LCP2: variants seen among roughly 807,000 people sequenced by gnomAD.
LCP2 encodes the protein 76 kDa tyrosine phosphoprotein.
In LCP2, 29 loss-of-function variants were observed where a neutral mutation model predicts 74.5. That is an observed-to-expected ratio of 0.39 (90% CI 0.29 to 0.53). LCP2 has a LOEUF of 0.53. LCP2 is among the 20% of genes least tolerant of loss of function. LCP2 has a pLI of 0.72. For missense variants in LCP2, 604 were observed against 634.6 expected, an observed-to-expected ratio of 0.95 and a Z score of 0.52; for synonymous variants, 228 against 229.5, an observed-to-expected ratio of 0.99 and a Z score of 0.06.
intron 20 of LCP2, among the ~76,000 whole-genome samples, chr5:170,249,698 T>G (rs1761388300): frequency 6.6e-6 from 1 of 152,182 alleles, no homozygotes; most frequent in Non-Finnish European, 1.5e-5. Context: ...AACCAATATT[T>G]GCAGCCATAG....
chr5:170,280,235 C>T (rs1027964839), intron 3 of LCP2, among the ~76,000 whole-genome samples: 21 of 151,934 alleles, frequency 1.4e-4, no homozygotes, highest in Admixed American at 1.2e-3. Flanking sequence ...CCTGCTGATC[C>T]CTCCTGGGAC....
intron 2 of LCP2, among the ~76,000 whole-genome samples, chr5:170,289,671 T>TTCTTTCTTTTTCTCTC (rs1554141414): frequency 4.3e-4 from 36 of 84,134 alleles, no homozygotes; most frequent in African/African-American, 1.6e-3. Context: ...CTTTCTTTCT[T>TTCTTTCTTTTTCTCTC]TCTCTCTCTC....
At position 170,262,876 on chromosome 5, in the gene LCP2, G is replaced by A; in HGVS notation, c.799-15C>T. 1 of 1,614,012 alleles carries A rather than the reference G, an allele frequency of 6.2e-7. No homozygotes were observed. Among genetic ancestry groups the A allele is most frequent in the Non-Finnish European group, 8.5e-7 (1 of 1,179,890 alleles). On this transcript the variant is annotated splice_polypyrimidine_tract_variant and intron_variant, in intron 11 of 20. Transcript: ENST00000046794. The stretch of plus-strand genomic sequence containing the variant: ...GGAATCGAGGGCTGCAAGACAGGAG[G>A]AAAAATGTATGAGTGTCCAAGCACT...
chr5:170,297,659 C>T lies in LCP2; in HGVS notation c.-48G>A, dbSNP rs1159298860. 3 of 1,524,410 alleles carry T rather than the reference C, an allele frequency of 2.0e-6. No individual in the cohort carries two copies. The highest frequency in any genetic ancestry group is 1.8e-6 in the Non-Finnish European group (2 of 1,117,694). The allele number at this position is 1,524,410 out of a possible 1,614,324, so 94.4% of individuals were successfully genotyped here. A position where few individuals can be genotyped will look rare whatever the true frequency, so the allele number is the denominator to read the frequency against. ...TCACAAGCTGAGCATGGGCGCTTCA[C>T]CCATGGGCAGAGAAGCTCAAATCCA... On this transcript the variant is annotated 5_prime_UTR_variant, in exon 1 of 21. The change creates a new upstream start codon in the 5' untranslated region. Coordinates refer to ENST00000046794, the MANE Select transcript of LCP2 (RefSeq NM_005565.5).
intron 2 of LCP2, 100 bp downstream of exon 2, chr5:170,293,210 C>T (rs370032758): frequency 2.6e-5 from 30 of 1,160,342 alleles, no homozygotes; most frequent in South Asian, 2.0e-4. Flanking sequence ...AAGGGATCCT[C>T]GGGTGTCCCC....
Position 170,256,231 on chromosome 5 carries a change from T to G in LCP2, c.1150+295A>C, listed in dbSNP as rs1761548000. 6.6e-6 allele frequency among the ~76,000 whole-genome samples: 1 copy of G among 152,164 alleles called. No individual in the cohort carries two copies. Among genetic ancestry groups the G allele is most frequent in the Admixed American group, 6.5e-5 (1 of 15,272 alleles). On this transcript the variant is annotated intron_variant, in intron 17 of 20. Transcript: ENST00000046794. This position sits in a 1 kb window ranked among gnomAD's most constrained non-coding sequence, Gnocchi z 4.5. ...GTATGTGTATATATGTGTATACCTGTGTGCACATGTATATATGTGTACATG... is the reference window on the plus strand; with the variant it reads ...GTATGTGTATATATGTGTATACCTGGGTGCACATGTATATATGTGTACATG...
At chr5:170,266,746 G>T in intron 10 of LCP2, 62 bp downstream of exon 10, 1 of 1,381,332 alleles carries the variant, frequency 7.2e-7, no homozygotes, top group Non-Finnish European at 1.0e-6. Context: ...TGAAACGTAT[G>T]CAGGAAGCAC....
chr5:170,292,246 G>A (rs1283077313), intron 2 of LCP2, among the ~76,000 whole-genome samples: 1 of 152,196 alleles, frequency 6.6e-6, no homozygotes, highest in East Asian at 1.9e-4. Flanking sequence ...GGTGGACAGT[G>A]AATAAACATG....
chr5:170,248,902 A>AT, intron 20 of LCP2, 83 bp from the exon 21 acceptor site: 1 of 1,332,862 alleles, frequency 7.5e-7, no homozygotes, highest in Non-Finnish European at 1.1e-6. Flanking sequence ...TCTGCATAAT[A>AT]TATGCTGCCT....
At chr5:170,268,066 T>G (rs527551983) in intron 8 of LCP2, among the ~76,000 whole-genome samples, 1 of 152,204 alleles carries the variant, frequency 6.6e-6, no homozygotes, top group Admixed American at 6.5e-5. Flanking sequence ...GCAAGTCTTT[T>G]TGCAGGAGAG....
chr5:170,248,453 C>T lies in LCP2; in HGVS notation c.*244G>A. 1 of 373,172 alleles carries T rather than the reference C, an allele frequency of 2.7e-6. No individual in the cohort carries two copies. The allele number at this position is 373,172 out of a possible 1,614,324, so 23.1% of individuals were successfully genotyped here. A position where few individuals can be genotyped will look rare whatever the true frequency, so the allele number is the denominator to read the frequency against. On this transcript the variant is annotated 3_prime_UTR_variant, in exon 21 of 21. Transcript: ENST00000046794. The stretch of plus-strand genomic sequence containing the variant: ...TTTTAAAAAATGAATTATTACAGTG[C>T]ACTACTAGACTTCAAGTGTGAACAT...
intron 9 of LCP2, 48 bp from the exon 10 acceptor site, chr5:170,266,939 C>T: frequency 1.9e-6 from 3 of 1,568,796 alleles, no homozygotes; most frequent in Non-Finnish European, 2.6e-6. Flanking sequence ...AAGCAGTCGG[C>T]TGGGGGTTGG....
intron 18 of LCP2, among the ~76,000 whole-genome samples, chr5:170,252,885 TA>T (rs1464870408): frequency 2.0e-5 from 3 of 152,246 alleles, no homozygotes; most frequent in African/African-American, 7.2e-5. Flanking sequence ...AAAACAGGAT[TA>T]TTTTTCTTGC....
chr5:170,278,188 C>T lies in LCP2; in HGVS notation c.189-2328G>A, dbSNP rs963552437. Among the ~76,000 whole-genome samples the T allele has an allele frequency of 8.7e-5, 13 of 149,818 alleles. No homozygotes were observed. The Admixed American group carries it at 8.7e-4, about 10-fold the overall frequency. ...TTTATTCAACAATGTGCACTGAGGG[C>T]CTTCTAAGTGCTGGGAACTTAGAAG... On this transcript the variant is annotated intron_variant, in intron 3 of 20. Transcript: ENST00000046794.
Position 170,247,495 on chromosome 5 carries a change from G to A in LCP2, c.*1202C>T, listed in dbSNP as rs1001855076. The A allele has an allele frequency of 6.6e-6, 1 of 151,670 alleles. No homozygotes were observed. Among genetic ancestry groups the A allele is most frequent in the South Asian group, 2.1e-4 (1 of 4,832 alleles). 9.4% of individuals were successfully genotyped at this position (151,670 alleles called of 1,614,324 possible). ...AGATTAAGCAGAGACGCCAAAAATTGTTGCTAATAAAAGTTGTGCAATAAC... is the reference window on the plus strand; with the variant it reads ...AGATTAAGCAGAGACGCCAAAAATTATTGCTAATAAAAGTTGTGCAATAAC... On this transcript the variant is annotated 3_prime_UTR_variant, in exon 21 of 21. Coordinates refer to ENST00000046794, the MANE Select transcript of LCP2 (RefSeq NM_005565.5).
intron 4 of LCP2, chr5:170,275,581 G>T: frequency 1.6e-6 from 1 of 643,174 alleles, no homozygotes; most frequent in Admixed American, 2.8e-5. Flanking sequence ...GTCTGATGCT[G>T]TAGAGGAAGT....
At chr5:170,283,852 A>T (rs1445308352) in intron 3 of LCP2, among the ~76,000 whole-genome samples, 3 of 152,234 alleles carry the variant, frequency 2.0e-5, no homozygotes, top group African/African-American at 7.2e-5. Flanking sequence ...CTATTTCAAG[A>T]TTTAACTTAG....
chr5:170,274,010 T>G, intron 6 of LCP2: 1 of 446,964 alleles, frequency 2.2e-6, no homozygotes, highest in Non-Finnish European at 4.1e-6. Context: ...CCCTCTGTGT[T>G]TGCAAATGAA....
rs1761588702 is a variant in LCP2 at position 170,258,049 on chromosome 5, G to T, written c.1088C>A (p.Ala363Glu). ...CAGAGCTACAAACCTTTCTGAGAAT[G>T]CTCCAGGCATGTGAGAGGATGGGAG... ...NPLPSSHMPGAFSESNSSFPQ... is the reference protein window; with the variant it reads ...NPLPSSHMPGEFSESNSSFPQ... Residue 363 changes from alanine to glutamate, a missense_variant, in exon 16 of 21, where the codon GCA becomes GAA. Ala to Glu is a moderately radical substitution (Grantham distance 107). Transcript: ENST00000046794. 2 of 1,613,920 alleles carry T rather than the reference G, an allele frequency of 1.2e-6. No homozygotes were observed. Among genetic ancestry groups the T allele is most frequent in the Admixed American group, 1.7e-5 (1 of 60,030 alleles).
Sources: gnomAD v4.1 joint callset for allele counts (sites outside exome capture counted in the v4.1 genomes callset) on GRCh38, gnomAD v4.1.1 for gene constraint, Gnocchi (gnomAD v3.1) non-coding constraint, MANE v1.5 for transcripts, NCBI Gene and HGNC (gene_info 2026-07-23, HGNC 2026-07-21) for gene names.